The following PCDH11Y variants were observed in gnomAD, a reference collection of about 807,000 sequenced individuals.
PCDH11Y encodes protocadherin-11 Y-linked.
For synonymous variants in PCDH11Y, 9 were observed against 83.6 expected, an observed-to-expected ratio of 0.11 and a Z score of 4.87; for missense variants, 12 against 224.8, an observed-to-expected ratio of 0.05 and a Z score of 6.05.
chrY:5,106,442 T>C, downstream of PCDH11Y, among the ~76,000 whole-genome samples: 1 of 31,125 alleles, frequency 3.2e-5, no homozygotes, highest in Non-Finnish European at 7.7e-5. Context: ...ATATTTAATA[T>C]ATAGGTAATA....
At chrY:5,471,882 C>T in intron 2 of PCDH11Y, among the ~76,000 whole-genome samples, 1 of 32,802 alleles carries the variant, frequency 3.0e-5, no homozygotes, top group East Asian at 7.9e-4. Flanking sequence ...ATTCGCATTT[C>T]TACAGCGTTT....
At chrY:5,521,854 G>T (rs368429733) in intron 3 of PCDH11Y, among the ~76,000 whole-genome samples, 5 of 33,679 alleles carry the variant, frequency 1.5e-4, no homozygotes, top group South Asian at 6.6e-4. Context: ...AATAGTATTT[G>T]TTTTTTATTT....
intron 2 of PCDH11Y, among the ~76,000 whole-genome samples, chrY:5,425,395 A>C (rs2053262350): frequency 6.0e-4 from 20 of 33,162 alleles, no homozygotes; most frequent in Admixed American, 5.6e-4. Context: ...AATATATAAA[A>C]CATTTAAGAA....
At chrY:5,383,951 C>T in intron 2 of PCDH11Y, among the ~76,000 whole-genome samples, 1 of 33,202 alleles carries the variant, frequency 3.0e-5, no homozygotes, top group Non-Finnish European at 7.4e-5. Context: ...GCAAACTACA[C>T]TTGCTTTATT....
intron 2 of PCDH11Y, among the ~76,000 whole-genome samples, chrY:5,323,926 T>C: frequency 3.1e-5 from 1 of 31,966 alleles, no homozygotes; most frequent in Non-Finnish European, 7.6e-5. Context: ...TCCTTCAAAC[T>C]TCATGGCAGT....
chrY:5,482,661 G>GACAGTACATATTTAGTTCCCGGTT (rs2053328424), intron 2 of PCDH11Y, among the ~76,000 whole-genome samples: 1 of 33,105 alleles, frequency 3.0e-5, no homozygotes, highest in African/African-American at 1.2e-4. Flanking sequence ...GTCTATTGTA[G>GACAGTACATATTTAGTTCCCGGTT]ACAGTACATA....
chrY:5,577,395 T>A (rs1602945628), intron 3 of PCDH11Y, among the ~76,000 whole-genome samples: 1 of 33,042 alleles, frequency 3.0e-5, no homozygotes, highest in East Asian at 8.1e-4. Flanking sequence ...TCTGGTATTA[T>A]GGCACTGCAT....
At chrY:5,652,749 C>T (rs2124706310) in intron 4 of PCDH11Y, among the ~76,000 whole-genome samples, 1 of 32,377 alleles carries the variant, frequency 3.1e-5, no homozygotes, top group African/African-American at 1.2e-4. Flanking sequence ...CGACAGAAGA[C>T]CTGTGAATCC....
intron 2 of PCDH11Y, among the ~76,000 whole-genome samples, chrY:5,403,492 C>T: frequency 3.2e-5 from 1 of 31,567 alleles, no homozygotes; most frequent in Non-Finnish European, 7.7e-5. Context: ...CTATTATATG[C>T]GTTATGAAGG....
At chrY:5,687,246 G>C in intron 4 of PCDH11Y, among the ~76,000 whole-genome samples, 1 of 29,798 alleles carries the variant, frequency 3.4e-5, no homozygotes, top group Non-Finnish European at 8.0e-5. Context: ...GTACTAGTTT[G>C]TGCACAGAGA....
At chrY:5,589,921 C>T (rs2053459089) in intron 4 of PCDH11Y, among the ~76,000 whole-genome samples, 5 of 34,610 alleles carry the variant, frequency 1.4e-4, no homozygotes, top group Non-Finnish European at 3.7e-4. Context: ...TATTAGAGAA[C>T]GCAAGAAGCC....
At chrY:5,032,616 C>T in intron 2 of PCDH11Y, 2 of 324,356 alleles carry the variant, frequency 6.2e-6, no homozygotes, top group Admixed American at 1.9e-4. Context: ...TTACAATGTA[C>T]TGGAGGCAAA....
chrY:5,001,034 G>C, intron 1 of PCDH11Y, among the ~76,000 whole-genome samples: 1 of 33,643 alleles, frequency 3.0e-5, no homozygotes, highest in African/African-American at 1.2e-4. Flanking sequence ...GCCCGGCTGA[G>C]AGATTGGAGC....
chrY:5,386,561 T>C (rs2053215961), intron 2 of PCDH11Y, among the ~76,000 whole-genome samples: 1 of 32,119 alleles, frequency 3.1e-5, no homozygotes, highest in South Asian at 7.1e-4. Context: ...AAAATTCTTT[T>C]CTCTTTGTCT....
At chrY:5,728,543 A>C (rs2053600682) in intron 4 of PCDH11Y, among the ~76,000 whole-genome samples, 2 of 33,577 alleles carry the variant, frequency 6.0e-5, no homozygotes, top group Non-Finnish European at 1.5e-4. Flanking sequence ...GCCTCTAATT[A>C]TATGCTTATC....
At chrY:5,105,165 C>T (rs2052787690), downstream of PCDH11Y, 1 of 118,412 alleles carries the variant, frequency 8.4e-6, no homozygotes, top group South Asian at 3.1e-4. Flanking sequence ...TGGCGTGAAC[C>T]CGGGAGGCGG....
intron 4 of PCDH11Y, among the ~76,000 whole-genome samples, chrY:5,654,549 A>G: frequency 3.0e-5 from 1 of 33,523 alleles, no homozygotes; most frequent in Non-Finnish European, 7.4e-5. Context: ...CTACACAGCC[A>G]TAAAAAAGAA....
chrY:5,067,930 G>A (rs1602855525), intron 1 of PCDH11Y, among the ~76,000 whole-genome samples: 1 of 26,061 alleles, frequency 3.8e-5, no homozygotes, highest in Non-Finnish European at 8.8e-5. Context: ...GGAGAATGGC[G>A]TGAACCCGGG....
At chrY:5,085,779 TTGTGTG>T (rs538114004) in intron 1 of PCDH11Y, among the ~76,000 whole-genome samples, 1 of 25,000 alleles carries the variant, frequency 4.0e-5, no homozygotes. Flanking sequence ...TGGAGCTCCA[TTGTGTG>T]TGTGTGTGTG....
Sources: allele counts gnomAD v4.1 joint callset (sites outside exome capture counted in the v4.1 genomes callset), GRCh38; gene constraint gnomAD v4.1.1; transcripts MANE v1.5; gene names NCBI Gene and HGNC (gene_info 2026-07-23, HGNC 2026-07-21).